The following SLC25A12 variants were observed in gnomAD, a reference collection of about 807,000 sequenced individuals.
SLC25A12 encodes electrogenic aspartate/glutamate antiporter SLC25A12, mitochondrial.
SLC25A12 carries 32 observed loss-of-function variants against 83.3 expected under a neutral mutation model. That is an observed-to-expected ratio of 0.38 (90% confidence interval 0.29 to 0.52). The LOEUF (loss-of-function observed/expected upper bound fraction) is 0.52, where lower values mean the gene tolerates loss of function less well. Ranked by LOEUF, SLC25A12 falls within the 20% of genes least tolerant of loss-of-function variation. The pLI is 0.84. For missense variants in SLC25A12, 611 were observed against 835.6 expected (o/e 0.73, Z 3.31); for synonymous variants, 267 against 291.1 (o/e 0.92, Z 0.84).
At chr2:171,805,717 C>T (rs1395026102) in intron 13 of SLC25A12, among the ~76,000 whole-genome samples, 1 of 152,192 alleles carries the variant, frequency 6.6e-6, no homozygotes, top group African/African-American at 2.4e-5. Flanking sequence ...TCATCATCAA[C>T]AATAGTAGTA....
rs528360996 is a variant in SLC25A12, at chr2:171,821,168, T to A, written c.930+5630A>T. ...CCTCAGCCTCCCGAGCAGCTGGGAC[T>A]ATAGGTGTGCACCACTATGCCTGGC... On this transcript the variant is annotated intron_variant, in intron 9 of 17. Coordinates refer to ENST00000422440, the MANE Select transcript of SLC25A12 (RefSeq NM_003705.5). Among the ~76,000 whole-genome samples the A allele has an allele frequency of 1.4e-4, 21 of 151,874 alleles. 1 individual carries two copies. The South Asian group carries it at 4.4e-3, about 32-fold the overall frequency.
intron 3 of SLC25A12, among the ~76,000 whole-genome samples, chr2:171,865,820 C>T (rs1395703347): frequency 6.6e-6 from 1 of 151,968 alleles, no homozygotes; most frequent in Non-Finnish European, 1.5e-5. Flanking sequence ...TATTTTTCAA[C>T]ATAAAGCTTC....
intron 13 of SLC25A12, among the ~76,000 whole-genome samples, chr2:171,807,057 G>C (rs1042266194): frequency 5.3e-5 from 8 of 152,204 alleles, no homozygotes; most frequent in Non-Finnish European, 1.0e-4. Context: ...ACTTTGGGGA[G>C]AAACAGTGAA....
intron 2 of SLC25A12, among the ~76,000 whole-genome samples, chr2:171,876,026 A>G (rs536357767): frequency 3.3e-5 from 5 of 152,252 alleles, no homozygotes; most frequent in Non-Finnish European, 7.4e-5. Flanking sequence ...TCTTGACTTT[A>G]AAACTATCAG....
intron 3 of SLC25A12, among the ~76,000 whole-genome samples, chr2:171,867,476 T>C (rs1385491953): frequency 6.6e-6 from 1 of 151,988 alleles, no homozygotes; most frequent in African/African-American, 2.4e-5. Context: ...ACCAAAAAAA[T>C]ACGAAAACCA....
At chr2:171,859,797 T>C (rs1685117338) in intron 3 of SLC25A12, among the ~76,000 whole-genome samples, 1 of 152,070 alleles carries the variant, frequency 6.6e-6, no homozygotes, top group Admixed American at 6.6e-5. Context: ...GTTTTGCTCT[T>C]GTTGCCCCAG....
At chr2:171,878,752 TATCTC>T (rs1307663445) in intron 2 of SLC25A12, among the ~76,000 whole-genome samples, 1 of 152,232 alleles carries the variant, frequency 6.6e-6, no homozygotes, top group South Asian at 2.1e-4. Context: ...TAACTACAGA[TATCTC>T]ATAGAGCATT....
intron 3 of SLC25A12, among the ~76,000 whole-genome samples, chr2:171,867,641 G>A (rs974169577): frequency 6.6e-6 from 1 of 151,178 alleles, no homozygotes; most frequent in African/African-American, 2.5e-5. Flanking sequence ...ACCGTGGGGA[G>A]AGGGAGAGGG....
At chr2:171,838,016 T>C (rs1272787591) in intron 5 of SLC25A12, among the ~76,000 whole-genome samples, 1 of 152,190 alleles carries the variant, frequency 6.6e-6, no homozygotes, top group Non-Finnish European at 1.5e-5. Flanking sequence ...CCCTGTGTAC[T>C]ATACAAAAGT....
At chr2:171,880,439 C>T (rs755856238) in intron 2 of SLC25A12, among the ~76,000 whole-genome samples, 4 of 151,992 alleles carry the variant, frequency 2.6e-5, no homozygotes, top group African/African-American at 4.8e-5. Context: ...TGCACCACCA[C>T]GCTAATTTTT....
rs3770454 is a variant in SLC25A12 at position 171,811,915 on chromosome 2, T to A, written c.1171+1424A>T. On this transcript the variant is annotated intron_variant, in intron 11 of 17. Coordinates refer to ENST00000422440, the MANE Select transcript of SLC25A12 (RefSeq NM_003705.5). ...AAGGTCATTATTCAACAAAGAAATA[T>A]TGGAGATATCAAGGAAAAAAACAAC... Among the ~76,000 whole-genome samples, 11 of 152,258 alleles carry A rather than the reference T, an allele frequency of 7.2e-5. No homozygotes were observed. In the East Asian group the frequency reaches 1.9e-3, roughly 27 times the overall value.
At chr2:171,823,247 TA>T (rs1684230964) in intron 9 of SLC25A12, among the ~76,000 whole-genome samples, 1 of 152,232 alleles carries the variant, frequency 6.6e-6, no homozygotes, top group African/African-American at 2.4e-5. Context: ...GTATTCCTTA[TA>T]AAATTTTAAA....
intron 5 of SLC25A12, among the ~76,000 whole-genome samples, chr2:171,840,360 T>TG (rs1214438058): frequency 6.6e-6 from 1 of 150,952 alleles, no homozygotes; most frequent in East Asian, 1.9e-4. Context: ...CACTCCAGCC[T>TG]GGGGGACAAG....
chr2:171,866,841 T>C (rs1256226561), intron 3 of SLC25A12, among the ~76,000 whole-genome samples: 3 of 134,398 alleles, frequency 2.2e-5, no homozygotes, highest in Non-Finnish European at 3.2e-5. Context: ...CCGGACGGGG[T>C]GGCTGCCGGG....
intron 5 of SLC25A12, 52 bp downstream of exon 5, chr2:171,844,317 A>T (rs1459757773): frequency 6.4e-6 from 10 of 1,564,660 alleles, no homozygotes; most frequent in Non-Finnish European, 8.8e-6. Flanking sequence ...TACAAAGCGA[A>T]GGACACAGAA....
chr2:171,861,466 G>T (rs765583912), intron 3 of SLC25A12, among the ~76,000 whole-genome samples: 7 of 152,118 alleles, frequency 4.6e-5, no homozygotes, highest in Non-Finnish European at 1.0e-4. Context: ...GAGAGCAATG[G>T]TGCAATCAGA....
chr2:171,811,653 T>G (rs575657594), intron 11 of SLC25A12, among the ~76,000 whole-genome samples: 1 of 152,164 alleles, frequency 6.6e-6, no homozygotes, highest in Non-Finnish European at 1.5e-5. Context: ...ATCTTCTCCC[T>G]AATACAAAAG....
chr2:171,790,132 G>C (rs527868062), intron 15 of SLC25A12, among the ~76,000 whole-genome samples: 1 of 152,176 alleles, frequency 6.6e-6, no homozygotes, highest in East Asian at 1.9e-4. Context: ...GTGGTCCATC[G>C]CAACACTCTC....
chr2:171,869,657 T>C (rs572929210), intron 2 of SLC25A12, among the ~76,000 whole-genome samples: 3 of 152,328 alleles, frequency 2.0e-5, no homozygotes, highest in Admixed American at 2.0e-4. Flanking sequence ...AGAAACTCAT[T>C]AATTTAAGGG....
Sources: allele counts gnomAD v4.1 joint callset (sites outside exome capture counted in the v4.1 genomes callset), GRCh38; gene constraint gnomAD v4.1.1; transcripts MANE v1.5; gene names NCBI Gene and HGNC (gene_info 2026-07-23, HGNC 2026-07-21).